The following ARHGAP26 variants were observed in gnomAD, a reference collection of about 807,000 sequenced individuals.
ARHGAP26 encodes the protein rho GTPase-activating protein 26.
Under a neutral mutation model 104.8 loss-of-function variants are expected in ARHGAP26, and 38 were observed. The ratio of observed to expected loss-of-function variants is 0.36; its 90% CI spans 0.28 to 0.48. ARHGAP26 has a LOEUF of 0.48. ARHGAP26 is among the 20% of genes least tolerant of loss of function. The pLI, the probability that ARHGAP26 is intolerant of heterozygous loss-of-function variation, is 0.99. For synonymous variants in ARHGAP26, 341 were observed against 340.0 expected (o/e 1.00, Z -0.03); for missense variants, 704 against 947.9 (o/e 0.74, Z 3.38).
At chr5:143,168,809 A>T (rs1400461887) in intron 20 of ARHGAP26, 2 of 152,226 alleles carry the variant, frequency 1.3e-5, no homozygotes, top group East Asian at 3.9e-4. Flanking sequence ...TAAGGAGAGG[A>T]TATAGATAGT....
At chr5:142,837,304 C>T (rs1769781652) in intron 1 of ARHGAP26, among the ~76,000 whole-genome samples, 1 of 151,842 alleles carries the variant, frequency 6.6e-6, no homozygotes, top group Admixed American at 6.6e-5. Context: ...CTGTTCTTCC[C>T]ATGAGAGGAA....
intron 5 of ARHGAP26, 43 bp from the exon 6 acceptor site, chr5:142,894,195 G>C: frequency 6.5e-7 from 1 of 1,547,624 alleles, no homozygotes; most frequent in Non-Finnish European, 8.9e-7. Context: ...GCTATCCTTG[G>C]GTAGTGACTT....
rs1157377231 is a variant in ARHGAP26 at position 142,838,859 on chromosome 5, G to A, written c.155-34541G>A. Among the ~76,000 whole-genome samples, 10 of 152,326 alleles carry A rather than the reference G, an allele frequency of 6.6e-5. No homozygotes were observed. In the East Asian group the frequency reaches 1.4e-3, roughly 21 times the overall value. ...AAAGTTAAGTGACCACGTCAAAGCT[G>A]TAGAACTGGATAGGGACAAAGCTGA... On this transcript the variant is annotated intron_variant, in intron 1 of 22. Coordinates refer to ENST00000645722, the MANE Select transcript of ARHGAP26 (RefSeq NM_001135608.3).
At chr5:142,859,620 C>A (rs1337286418) in intron 1 of ARHGAP26, 1 of 152,186 alleles carries the variant, frequency 6.6e-6, no homozygotes, top group Admixed American at 6.5e-5. Flanking sequence ...AGCTCATATG[C>A]ATTTATTTCA....
chr5:143,108,927 C>G lies in ARHGAP26; in HGVS notation c.1539-12061C>G, dbSNP rs1313018145. Among the ~76,000 whole-genome samples, 4 of 152,256 alleles carry G rather than the reference C, an allele frequency of 2.6e-5. No homozygotes were observed. The South Asian group carries it at 6.2e-4, about 24-fold the overall frequency. ...AGCGCTGGGTCCCAGAGCCACTGTT[C>G]CTGTTGGAGCTAAGCCACATGGCTA... On this transcript the variant is annotated intron_variant, in intron 17 of 22. Transcript: ENST00000645722.
chr5:142,822,209 G>A (rs1766336560), intron 1 of ARHGAP26, among the ~76,000 whole-genome samples: 1 of 150,230 alleles, frequency 6.7e-6, no homozygotes, highest in Non-Finnish European at 1.5e-5. Flanking sequence ...ACTGTTTGAT[G>A]AATCATCAAC....
At chr5:142,972,469 G>GT (rs139126795) in intron 11 of ARHGAP26, among the ~76,000 whole-genome samples, 16 of 151,816 alleles carry the variant, frequency 1.1e-4, no homozygotes, top group South Asian at 4.2e-4. Flanking sequence ...TTTTTGTTTT[G>GT]TTTTTTTAAT....
Position 143,222,978 on chromosome 5 carries a change from G to C in ARHGAP26, c.*532G>C. On this transcript the variant is annotated 3_prime_UTR_variant, in exon 23 of 23. Coordinates refer to ENST00000645722, the MANE Select transcript of ARHGAP26 (RefSeq NM_001135608.3). ...TCTGTTTGCATGCAGGATGAAGAGG[G>C]TTAAAACACTGTTTATATAAGATCC... The C allele has an allele frequency of 4.3e-6, 1 of 233,090 alleles. No homozygotes were observed. Among genetic ancestry groups the C allele is most frequent in the Non-Finnish European group, 8.5e-6 (1 of 117,788 alleles). The allele number at this position is 233,090 out of a possible 1,614,324, so 14.4% of individuals were successfully genotyped here.
intron 11 of ARHGAP26, among the ~76,000 whole-genome samples, chr5:142,960,997 C>T (rs1770138852): frequency 6.6e-6 from 1 of 152,188 alleles, no homozygotes; most frequent in Non-Finnish European, 1.5e-5. Context: ...TTACCACTTG[C>T]CTCTTCCCCA....
At chr5:142,878,226 C>T (rs964851844) in intron 3 of ARHGAP26, among the ~76,000 whole-genome samples, 3 of 152,056 alleles carry the variant, frequency 2.0e-5, no homozygotes, top group East Asian at 1.9e-4. Context: ...ATTAGTTGAG[C>T]GAAGAGTGAT....
At chr5:142,977,965 G>C (rs1417201121) in intron 11 of ARHGAP26, among the ~76,000 whole-genome samples, 1 of 152,246 alleles carries the variant, frequency 6.6e-6, no homozygotes, top group East Asian at 1.9e-4. Flanking sequence ...GGCTGGGATG[G>C]TTGACAGATC....
chr5:142,915,946 C>T (rs1762423314), intron 10 of ARHGAP26, among the ~76,000 whole-genome samples: 1 of 152,166 alleles, frequency 6.6e-6, no homozygotes, highest in Non-Finnish European at 1.5e-5. Flanking sequence ...CACCAATGTC[C>T]TTTAGCGAGG....
chr5:142,900,026 T>C (rs1760070034), intron 6 of ARHGAP26, among the ~76,000 whole-genome samples: 1 of 152,224 alleles, frequency 6.6e-6, no homozygotes. Flanking sequence ...GCTTATCTTC[T>C]GCGTTATTCT....
rs3776217 is a variant in ARHGAP26 at position 143,215,269 on chromosome 5, T to C, written c.2191+1181T>C. On this transcript the variant is annotated intron_variant, in intron 22 of 22. Coordinates refer to ENST00000645722, the MANE Select transcript of ARHGAP26 (RefSeq NM_001135608.3). ...GGTGAATCCAGGGCTTAAAGGTCTGTCCTCTAAGTCCCAATTCACTGCTCA... is the reference window on the plus strand; with the variant it reads ...GGTGAATCCAGGGCTTAAAGGTCTGCCCTCTAAGTCCCAATTCACTGCTCA... 1.1e-3 allele frequency among the ~76,000 whole-genome samples: 173 copies of C among 152,326 alleles called. 1 individual carries two copies. In the East Asian group the frequency reaches 0.031, roughly 27 times the overall value.
chr5:143,212,351 C>T (rs1214872283), intron 21 of ARHGAP26, among the ~76,000 whole-genome samples: 1 of 78,944 alleles, frequency 1.3e-5, no homozygotes, highest in African/African-American at 5.7e-5. Flanking sequence ...CCCAGCCTCT[C>T]AAGAAAAAAA....
chr5:143,014,817 A>T (rs2152820922), intron 12 of ARHGAP26, among the ~76,000 whole-genome samples: 1 of 152,316 alleles, frequency 6.6e-6, no homozygotes, highest in Admixed American at 6.5e-5. Context: ...TAGGAGAAAA[A>T]ACAAAATCCT....
Position 143,124,143 on chromosome 5 carries a change from A to AC in ARHGAP26, c.1698+3002dup, listed in dbSNP as rs977973677. Among the ~76,000 whole-genome samples the AC allele has an allele frequency of 7.2e-5, 11 of 152,070 alleles. 1 individual carries two copies. The highest frequency in any genetic ancestry group is 2.2e-4 in the African/African-American group (9 of 41,488). On this transcript the variant is annotated intron_variant, in intron 18 of 22. Transcript: ENST00000645722. The stretch of plus-strand genomic sequence containing the variant: ...GCCCTACTACAGGGCTAAAGTATAT[A>AC]CCCCCCATAGCGACTAGCACAGTAT...
chr5:142,825,479 T>A (rs1767055901), intron 1 of ARHGAP26, among the ~76,000 whole-genome samples: 1 of 152,172 alleles, frequency 6.6e-6, no homozygotes, highest in African/African-American at 2.4e-5. Context: ...TCCTTCCCGT[T>A]GTCCAGCCCA....
chr5:142,920,733 G>A (rs1763086561), intron 10 of ARHGAP26, among the ~76,000 whole-genome samples: 1 of 152,168 alleles, frequency 6.6e-6, no homozygotes. Context: ...TAAGGGATAA[G>A]GCAAGAATAA....
Sources: allele counts gnomAD v4.1 joint callset (sites outside exome capture counted in the v4.1 genomes callset), GRCh38; gene constraint gnomAD v4.1.1; transcripts MANE v1.5; gene names NCBI Gene and HGNC (gene_info 2026-07-23, HGNC 2026-07-21).